MBD5: variants seen among roughly 807,000 people sequenced by gnomAD.
MBD5 encodes methyl-CpG binding domain protein 5, also known as methyl-CpG-binding domain protein 5.
Under a neutral mutation model 117.3 loss-of-function variants are expected in MBD5, and 13 were observed. The ratio of observed to expected loss-of-function variants is 0.11; its 90% CI spans 0.07 to 0.18. MBD5 has a LOEUF of 0.18. MBD5 is among the 10% of genes least tolerant of loss of function. The probability of loss-of-function intolerance (pLI) is 1.00; values close to 1 mark genes in which losing one functional copy is unlikely to be tolerated. For missense variants in MBD5, 1,879 were observed against 2,093.8 expected (o/e 0.90, Z 2.00); for synonymous variants, 727 against 766.4 (o/e 0.95, Z 0.85).
intron 4 of MBD5, among the ~76,000 whole-genome samples, chr2:148,423,603 A>G (rs951722936): frequency 2.6e-5 from 4 of 152,204 alleles, no homozygotes; most frequent in African/African-American, 7.2e-5. Context: ...AACATACCAA[A>G]TTGTAAAGAC....
chr2:148,387,109 A>G (rs1411134330), intron 4 of MBD5, among the ~76,000 whole-genome samples: 1 of 152,206 alleles, frequency 6.6e-6, no homozygotes, highest in Non-Finnish European at 1.5e-5. Context: ...AGCAAGAGAA[A>G]GTAAAAGTAC....
At chr2:148,111,172 G>A (rs908403808) in intron 1 of MBD5, among the ~76,000 whole-genome samples, 3 of 152,096 alleles carry the variant, frequency 2.0e-5, no homozygotes, top group Non-Finnish European at 4.4e-5. Context: ...AAAAGGAAAA[G>A]GTACCTTTAA....
At chr2:148,173,669 A>G (rs1698317645) in intron 1 of MBD5, among the ~76,000 whole-genome samples, 1 of 152,192 alleles carries the variant, frequency 6.6e-6, no homozygotes, top group Admixed American at 6.5e-5. Flanking sequence ...ACAGTGAGCT[A>G]TGATCCTGCT....
chr2:148,262,967 C>A lies in MBD5; in HGVS notation c.-680+29572C>A, dbSNP rs189246012. 1.1e-3 allele frequency among the ~76,000 whole-genome samples: 162 copies of A among 152,240 alleles called. 1 individual carries two copies. The highest frequency in any genetic ancestry group is 1.2e-3 in the Non-Finnish European group (79 of 68,014). The stretch of plus-strand genomic sequence containing the variant: ...CAATAAATATGCAAGAGATATTTAG[C>A]AAATTGAACAATCAACTTTCTGATA... On this transcript the variant is annotated intron_variant, in intron 3 of 13. Coordinates refer to ENST00000642680, the MANE Select transcript of MBD5 (RefSeq NM_001378120.1).
chr2:148,227,534 A>C (rs1699863563), intron 2 of MBD5, among the ~76,000 whole-genome samples: 1 of 152,168 alleles, frequency 6.6e-6, no homozygotes, highest in Admixed American at 6.5e-5. Flanking sequence ...GTATAGTTTG[A>C]AGTCAGGTAG....
intron 9 of MBD5, chr2:148,485,472 T>C (rs1279439021): frequency 5.0e-6 from 2 of 403,646 alleles, no homozygotes; most frequent in African/African-American, 2.0e-5. Flanking sequence ...ACACTGCAGC[T>C]CAATATATAA....
At chr2:148,152,790 T>A (rs1439501558) in intron 1 of MBD5, among the ~76,000 whole-genome samples, 1 of 151,652 alleles carries the variant, frequency 6.6e-6, no homozygotes, top group Non-Finnish European at 1.5e-5. Context: ...TCCATTTGCT[T>A]GGTAGATCTT....
intron 3 of MBD5, among the ~76,000 whole-genome samples, chr2:148,295,028 C>G (rs867127596): frequency 1.3e-5 from 2 of 152,158 alleles, no homozygotes; most frequent in Non-Finnish European, 1.5e-5. Context: ...GTATGATTCT[C>G]TCTGTCTTCA....
intron 3 of MBD5, among the ~76,000 whole-genome samples, chr2:148,340,610 A>C (rs1244974775): frequency 1.3e-5 from 2 of 152,094 alleles, no homozygotes; most frequent in Non-Finnish European, 2.9e-5. Flanking sequence ...ACAACAAAAA[A>C]ATTTCCCTTT....
intron 3 of MBD5, among the ~76,000 whole-genome samples, chr2:148,327,419 TC>T (rs1399751303): frequency 6.6e-6 from 1 of 152,210 alleles, no homozygotes; most frequent in Non-Finnish European, 1.5e-5. Flanking sequence ...CTGGATAATA[TC>T]CTTTAGAGTG....
At chr2:148,455,384 G>A (rs145098238) in intron 4 of MBD5, among the ~76,000 whole-genome samples, 1 of 152,198 alleles carries the variant, frequency 6.6e-6, no homozygotes, top group East Asian at 1.9e-4. Flanking sequence ...AGAGGCAGAC[G>A]GATTAGGGTG....
chr2:148,112,133 G>A (rs898424967), intron 1 of MBD5, among the ~76,000 whole-genome samples: 4 of 152,118 alleles, frequency 2.6e-5, no homozygotes, highest in Admixed American at 1.3e-4. Flanking sequence ...TTGCTTAAAC[G>A]AGATGAAAAG....
chr2:148,038,133 G>A (rs907354597), intron 1 of MBD5, among the ~76,000 whole-genome samples: 1 of 151,910 alleles, frequency 6.6e-6, no homozygotes, highest in African/African-American at 2.4e-5. Context: ...AATAATATCT[G>A]CCATAAGAAA....
chr2:148,468,932 A>G lies in MBD5; in HGVS notation c.989A>G (p.His330Arg), dbSNP rs750043178. 2 of 1,613,838 alleles carry G rather than the reference A, an allele frequency of 1.2e-6. No individual in the cohort carries two copies. The highest frequency in any genetic ancestry group is 1.7e-6 in the Non-Finnish European group (2 of 1,179,914). ...NMEIPRAMFH[H>R]KPPQGPPPPP... ...GAAATACCACGAGCAATGTTCCACCACAAACCACCCCAAGGCCCACCTCCC... is the reference window on the plus strand; with the variant it reads ...GAAATACCACGAGCAATGTTCCACCGCAAACCACCCCAAGGCCCACCTCCC... Residue 330 changes from histidine (H) to arginine (R), a missense_variant, in exon 8 of 14, where the codon CAC becomes CGC. Transcript: ENST00000642680.
intron 3 of MBD5, among the ~76,000 whole-genome samples, chr2:148,273,891 T>C (rs1701041783): frequency 6.6e-6 from 1 of 152,242 alleles, no homozygotes; most frequent in South Asian, 2.1e-4. Context: ...GTGTCCCTTA[T>C]TGATATGGGA....
intron 4 of MBD5, among the ~76,000 whole-genome samples, chr2:148,449,183 A>G (rs1401800804): frequency 6.6e-6 from 1 of 152,108 alleles, no homozygotes; most frequent in Admixed American, 6.6e-5. Context: ...AAAGATATGT[A>G]TTTGAGAGCT....
chr2:148,153,819 G>A (rs1362735613), intron 1 of MBD5, among the ~76,000 whole-genome samples: 2 of 107,708 alleles, frequency 1.9e-5, no homozygotes, highest in Non-Finnish European at 3.7e-5. Flanking sequence ...CTCTGTATTG[G>A]TTATTCTAGT....
chr2:148,094,789 A>T (rs1478117040), intron 1 of MBD5, among the ~76,000 whole-genome samples: 1 of 152,160 alleles, frequency 6.6e-6, no homozygotes, highest in African/African-American at 2.4e-5. Flanking sequence ...AAAATAACTC[A>T]TGGAATGCCA....
intron 4 of MBD5, among the ~76,000 whole-genome samples, chr2:148,413,224 G>C (rs1705317447): frequency 6.6e-6 from 1 of 152,090 alleles, no homozygotes; most frequent in African/African-American, 2.4e-5. Context: ...AGATGATCAT[G>C]TGAATTTTAT....
Sources: allele counts gnomAD v4.1 joint callset (sites outside exome capture counted in the v4.1 genomes callset), GRCh38; gene constraint gnomAD v4.1.1; transcripts MANE v1.5; gene names NCBI Gene and HGNC (gene_info 2026-07-23, HGNC 2026-07-21).